CTNND1: variants seen among roughly 807,000 people sequenced by gnomAD.
CTNND1 encodes the protein catenin delta-1.
CTNND1 carries 16 observed loss-of-function variants against 112.1 expected under a neutral mutation model. The ratio of observed to expected loss-of-function variants is 0.14; its 90% confidence interval spans 0.10 to 0.22. The LOEUF is 0.22. Among genes scored for constraint, CTNND1 ranks in the 10% least tolerant of loss-of-function variants. The pLI is 1.00. For missense variants in CTNND1, 1,008 were observed against 1,257.0 expected, an observed-to-expected ratio of 0.80 and a Z score of 3.00; for synonymous variants, 420 against 446.5, an observed-to-expected ratio of 0.94 and a Z score of 0.75.
At chr11:57,789,859 T>C (rs1235470851) in intron 2 of CTNND1, among the ~76,000 whole-genome samples, 1 of 152,168 alleles carries the variant, frequency 6.6e-6, no homozygotes, top group Non-Finnish European at 1.5e-5. Flanking sequence ...GGTTAGGATA[T>C]GAACTACTGT....
chr11:57,806,420 T>A, intron 10 of CTNND1, 41 bp from the exon 11 acceptor site: 2 of 1,570,170 alleles, frequency 1.3e-6, no homozygotes, highest in Non-Finnish European at 1.7e-6. Context: ...TCTTATTTCA[T>A]TTCTCTTCTC....
chr11:57,816,755 G>T lies in CTNND1; in HGVS notation c.*447G>T, dbSNP rs2064014043. ...GATTCTTAATCAAGATTTTTTTCCT[G>T]ATGGGGAAGGGACTTTTATTTTCTT... On this transcript the variant is annotated 3_prime_UTR_variant, in exon 21 of 21. Coordinates refer to ENST00000399050, the MANE Select transcript of CTNND1 (RefSeq NM_001085458.2). 1 of 164,032 alleles carries T rather than the reference G, an allele frequency of 6.1e-6. No individual in the cohort carries two copies. The allele number at this position is 164,032 out of a possible 1,614,324, so 10.2% of individuals were successfully genotyped here.
At chr11:57,766,581 T>G (rs149634890) in intron 1 of CTNND1, among the ~76,000 whole-genome samples, 1 of 152,308 alleles carries the variant, frequency 6.6e-6, no homozygotes, top group African/African-American at 2.4e-5. Context: ...AAAGCTGAAG[T>G]AGGGATTGCT....
At chr11:57,774,403 G>A (rs1380142577) in intron 1 of CTNND1, among the ~76,000 whole-genome samples, 1 of 152,128 alleles carries the variant, frequency 6.6e-6, no homozygotes, top group Non-Finnish European at 1.5e-5. Context: ...GTAGCAACTC[G>A]GGATTCCAGA....
intron 2 of CTNND1, among the ~76,000 whole-genome samples, chr11:57,789,755 C>T (rs1202398050): frequency 6.6e-6 from 1 of 152,172 alleles, no homozygotes; most frequent in Non-Finnish European, 1.5e-5. Context: ...TCCTGGGCTG[C>T]ATGCGTCCCG....
intron 1 of CTNND1, among the ~76,000 whole-genome samples, chr11:57,772,513 T>C (rs181203662): frequency 1.3e-5 from 2 of 152,326 alleles, no homozygotes; most frequent in East Asian, 3.9e-4. Context: ...ATATCCGTAT[T>C]TCTGTCTTGC....
At chr11:57,790,614 A>G (rs1361379739) in intron 2 of CTNND1, among the ~76,000 whole-genome samples, 1 of 140,046 alleles carries the variant, frequency 7.1e-6, no homozygotes, top group Non-Finnish European at 1.5e-5. Flanking sequence ...CTGGAGTGCA[A>G]TAGTGCGATC....
chr11:57,795,954 A>G (rs937041315), intron 5 of CTNND1, among the ~76,000 whole-genome samples: 2 of 152,176 alleles, frequency 1.3e-5, no homozygotes, highest in African/African-American at 4.8e-5. Flanking sequence ...CCTTATAAGC[A>G]TAGTTACTGT....
chr11:57,787,129 C>G (rs954613925), intron 1 of CTNND1, among the ~76,000 whole-genome samples: 6 of 152,178 alleles, frequency 3.9e-5, no homozygotes, highest in Non-Finnish European at 7.3e-5. Flanking sequence ...GTAAAACATT[C>G]AGTAATCATT....
chr11:57,815,364 A>G (rs764592339), intron 18 of CTNND1, 30 bp from the exon 19 acceptor site: 3 of 1,362,654 alleles, frequency 2.2e-6, no homozygotes, highest in Non-Finnish European at 3.0e-6. Flanking sequence ...GGAATGTCAT[A>G]TTTCTGTGTA....
intron 2 of CTNND1, 87 bp downstream of exon 2, chr11:57,789,242 A>G (rs2060441003): frequency 1.0e-6 from 1 of 972,388 alleles, no homozygotes; most frequent in Non-Finnish European, 1.4e-6. Context: ...CATAGCAGAA[A>G]AAAATCTTTT....
At position 57,767,057 on chromosome 11, in the gene CTNND1, C is replaced by T. The variant is rs527623473; in HGVS notation, c.-214+4938C>T. ...CACGATCTCAGCTCACTGCAACCTC[C>T]GCCTCCCGGTTTCAAGCGATTCTCC... On this transcript the variant is annotated intron_variant, in intron 1 of 20. Transcript: ENST00000399050. Among the ~76,000 whole-genome samples the T allele has an allele frequency of 2.6e-3, 390 of 151,924 alleles. 4 individuals carry two copies. Among genetic ancestry groups the T allele is most frequent in the African/African-American group, 8.7e-3 (360 of 41,440 alleles).
chr11:57,811,155 T>G (rs541992671), intron 16 of CTNND1, among the ~76,000 whole-genome samples: 1 of 152,300 alleles, frequency 6.6e-6, no homozygotes, highest in African/African-American at 2.4e-5. Context: ...TACTATTCTC[T>G]GAAACTGTAT....
chr11:57,811,581 G>A, intron 17 of CTNND1, 95 bp downstream of exon 17: 1 of 815,578 alleles, frequency 1.2e-6, no homozygotes. Context: ...TTCTGAATTA[G>A]CTAGCCTTTT....
chr11:57,806,343 T>G, intron 10 of CTNND1, 118 bp from the exon 11 acceptor site: 1 of 1,028,528 alleles, frequency 9.7e-7, no homozygotes, highest in Non-Finnish European at 1.5e-6. Flanking sequence ...TCTGTGTTTT[T>G]CTTTTCTTCT....
At chr11:57,764,809 C>CT (rs960199294) in intron 1 of CTNND1, among the ~76,000 whole-genome samples, 2 of 152,146 alleles carry the variant, frequency 1.3e-5, no homozygotes, top group African/African-American at 4.8e-5. Context: ...AGAATGGAAA[C>CT]AACAGCTCGA....
chr11:57,794,070 A>G lies in CTNND1; in HGVS notation c.256A>G (p.Asn86Asp). The G allele has an allele frequency of 6.2e-7, 1 of 1,614,000 alleles. No individual in the cohort carries two copies. The highest frequency in any genetic ancestry group is 8.5e-7 in the Non-Finnish European group (1 of 1,179,880). The change falls in exon 4 of 21, where the codon AAC becomes GAC. Residue 86 changes from asparagine (N) to aspartate (D), a missense_variant. By Grantham distance (23) the Asn-to-Asp change is conservative (BLOSUM62 1). Coordinates refer to ENST00000399050, the MANE Select transcript of CTNND1 (RefSeq NM_001085458.2). ...ACAGAAATTTTCAGATTTGAAACTCAACGGACCCCAGGTAATTCTTTGGCT... is the reference window on the plus strand; with the variant it reads ...ACAGAAATTTTCAGATTTGAAACTCGACGGACCCCAGGTAATTCTTTGGCT... ...ERQKFSDLKL[N>D]GPQDHSHLLY... is the part of the protein sequence containing the mutation.
chr11:57,793,014 A>G (rs474073), intron 3 of CTNND1: 143,132 of 152,138 alleles, frequency 0.94, 67,956 homozygotes, highest in East Asian at 1. Flanking sequence ...TATTGAAAGG[A>G]GAAAGCTGGA....
chr11:57,794,399 G>A (rs926698328), intron 4 of CTNND1, among the ~76,000 whole-genome samples: 4 of 152,102 alleles, frequency 2.6e-5, no homozygotes, highest in Admixed American at 2.6e-4. Context: ...CTAAAATCTG[G>A]CTGGTCTTGA....
Sources: gnomAD v4.1 joint callset for allele counts (sites outside exome capture counted in the v4.1 genomes callset) on GRCh38, gnomAD v4.1.1 for gene constraint, MANE v1.5 for transcripts, NCBI Gene and HGNC (gene_info 2026-07-23, HGNC 2026-07-21) for gene names.